The following LOC400499 variants were observed in gnomAD, a reference collection of about 807,000 sequenced individuals.
the LOC400499 span, chr16:11,392,883 T>C: frequency 1.3e-5 from 11 of 816,010 alleles, no homozygotes; most frequent in South Asian, 2.1e-4. Context: ...AGACAGAGTC[T>C]CGCTCTGTCG....
At chr16:11,509,447 T>C in the LOC400499 span, among the ~76,000 whole-genome samples, 2 of 151,386 alleles carry the variant, frequency 1.3e-5, no homozygotes, top group East Asian at 3.9e-4. Context: ...CAGAAACAAG[T>C]CAGCAGGACA....
the LOC400499 span, among the ~76,000 whole-genome samples, chr16:11,496,774 C>A: frequency 6.6e-6 from 1 of 152,152 alleles, no homozygotes; most frequent in African/African-American, 2.4e-5. Flanking sequence ...ACACGTCCCA[C>A]TGGGTGAGTG....
At chr16:11,485,785 G>A in the LOC400499 span, among the ~76,000 whole-genome samples, 2 of 152,168 alleles carry the variant, frequency 1.3e-5, no homozygotes, top group Admixed American at 6.5e-5. Context: ...AGTCACCAGA[G>A]ACCAGCCCTT....
At chr16:11,467,874 C>A in the LOC400499 span, among the ~76,000 whole-genome samples, 4 of 152,178 alleles carry the variant, frequency 2.6e-5, no homozygotes, top group Non-Finnish European at 4.4e-5. Flanking sequence ...GGTCTTCACA[C>A]ATGATTAAGC....
the LOC400499 span, among the ~76,000 whole-genome samples, chr16:11,470,138 C>A: frequency 1.3e-5 from 2 of 152,126 alleles, no homozygotes; most frequent in African/African-American, 4.8e-5. Context: ...GTCTTGAACT[C>A]CTGACCTCAA....
chr16:11,383,560 G>A, the LOC400499 span: 1 of 1,205,712 alleles, frequency 8.3e-7, no homozygotes, highest in Middle Eastern at 3.2e-4. Context: ...CCTCCCTGGT[G>A]AGAGAAAGGG....
the LOC400499 span, among the ~76,000 whole-genome samples, chr16:11,388,285 C>T: frequency 4.0e-3 from 612 of 152,276 alleles, 6 homozygotes; most frequent in African/African-American, 0.014. Context: ...AAGCCAAACC[C>T]CGCCCTGGGA....
At chr16:11,518,242 T>G in the LOC400499 span, among the ~76,000 whole-genome samples, 1 of 152,234 alleles carries the variant, frequency 6.6e-6, no homozygotes, top group Non-Finnish European at 1.5e-5. Flanking sequence ...AGACAAAGGC[T>G]TTCTTTCTTA....
chr16:11,399,320 T>C, the LOC400499 span: 2 of 852,820 alleles, frequency 2.3e-6, no homozygotes, highest in Non-Finnish European at 2.8e-6. Flanking sequence ...ATTTCACAGA[T>C]GAGAACACTA....
the LOC400499 span, chr16:11,449,131 C>T: frequency 1.4e-6 from 2 of 1,411,810 alleles, no homozygotes; most frequent in Non-Finnish European, 1.9e-6. Flanking sequence ...AGGAGGGGGA[C>T]CAAGGCCTTT....
At chr16:11,442,973 C>T in the LOC400499 span, among the ~76,000 whole-genome samples, 1 of 152,148 alleles carries the variant, frequency 6.6e-6, no homozygotes, top group Non-Finnish European at 1.5e-5. Context: ...AAAGGTGGGT[C>T]TCAATGCTCA....
At chr16:11,419,114 C>G in the LOC400499 span, among the ~76,000 whole-genome samples, 1 of 150,878 alleles carries the variant, frequency 6.6e-6, no homozygotes, top group Non-Finnish European at 1.5e-5. Flanking sequence ...TGCAGTGAGC[C>G]GAGATCACAC....
chr16:11,417,431 T>C, the LOC400499 span, among the ~76,000 whole-genome samples: 1 of 152,234 alleles, frequency 6.6e-6, no homozygotes, highest in East Asian at 1.9e-4. Context: ...TGGGACTTTG[T>C]TGTGGAAGTC....
chr16:11,380,085 C>T, the LOC400499 span, among the ~76,000 whole-genome samples: 2 of 152,256 alleles, frequency 1.3e-5, no homozygotes, highest in Admixed American at 1.3e-4. Flanking sequence ...GCTGAGACTA[C>T]AAGTGCATGC....
At chr16:11,466,565 T>C in the LOC400499 span, among the ~76,000 whole-genome samples, 1 of 151,982 alleles carries the variant, frequency 6.6e-6, no homozygotes, top group South Asian at 2.1e-4. Flanking sequence ...CTTTTTGTAT[T>C]TTTGGTAGAG....
At chr16:11,431,086 C>T in the LOC400499 span, 105 of 399,048 alleles carry the variant, frequency 2.6e-4, no homozygotes, top group Non-Finnish European at 1.7e-4. Flanking sequence ...TGTCAGGAGG[C>T]GGGGCATCGC....
At chr16:11,382,660 T>C in the LOC400499 span, among the ~76,000 whole-genome samples, 1 of 152,094 alleles carries the variant, frequency 6.6e-6, no homozygotes, top group Non-Finnish European at 1.5e-5. Context: ...AAATCCCTGA[T>C]GAGGCTGGGC....
the LOC400499 span, chr16:11,493,602 C>T: frequency 5.0e-6 from 2 of 396,140 alleles, no homozygotes; most frequent in Non-Finnish European, 8.9e-6. Flanking sequence ...AGACCCACCA[C>T]CACCCAACCC....
the LOC400499 span, among the ~76,000 whole-genome samples, chr16:11,406,345 C>CT: frequency 6.6e-5 from 10 of 152,212 alleles, no homozygotes; most frequent in Non-Finnish European, 1.2e-4. Flanking sequence ...GAATTTCATT[C>CT]TTTTTTCCGG....
Sources: gnomAD v4.1 joint callset for allele counts (sites outside exome capture counted in the v4.1 genomes callset) on GRCh38, gnomAD v4.1.1 for gene constraint, MANE v1.5 for transcripts.